MATK: variants seen among roughly 807,000 people sequenced by gnomAD.
MATK encodes megakaryocyte-associated tyrosine kinase, also known as megakaryocyte-associated tyrosine-protein kinase.
MATK carries 41 observed loss-of-function variants against 59.8 expected under a neutral mutation model. The ratio of observed to expected loss-of-function variants is 0.69; its 90% CI spans 0.53 to 0.89. The LOEUF is 0.89. Among genes scored for constraint, MATK ranks in the 40% least tolerant of loss-of-function variants. The pLI is 0.00. For synonymous variants in MATK, 308 were observed against 306.1 expected, an observed-to-expected ratio of 1.01 and a Z score of -0.06; for missense variants, 593 against 719.6, an observed-to-expected ratio of 0.82 and a Z score of 2.01.
rs2037342309 is a variant in MATK, at chr19:3,778,162, C to A, written c.*21G>T. On this transcript the variant is annotated 3_prime_UTR_variant, in exon 14 of 14. Coordinates refer to ENST00000310132, the MANE Select transcript of MATK (RefSeq NM_139355.3). ...CTCCACTCTCTCGGTCCTCTGGGGC[C>A]AAGGGCCCCACCGGGTGGGGTCAGG... 1.3e-6 allele frequency: 2 copies of A among 1,539,798 alleles called. No individual in the cohort carries two copies. Among genetic ancestry groups the A allele is most frequent in the Non-Finnish European group, 8.7e-7 (1 of 1,147,736 alleles).
intron 8 of MATK, among the ~76,000 whole-genome samples, chr19:3,780,747 A>T (rs1395318191): frequency 6.6e-6 from 1 of 151,336 alleles, no homozygotes; most frequent in South Asian, 2.1e-4. Flanking sequence ...TTTTATTTTT[A>T]AAATATTGAT....
At chr19:3,789,307 G>A (rs1413081136), upstream of MATK, 1 of 779,204 alleles carries the variant, frequency 1.3e-6, no homozygotes, top group African/African-American at 1.7e-5. Context: ...CCCTCGCCGA[G>A]GTCTGCCTTC....
In MATK at chr19:3,781,683, A is replaced by G. The variant is rs751465703; in HGVS notation, c.677-11T>C. The G allele has an allele frequency of 6.2e-7, 1 of 1,612,170 alleles. No homozygotes were observed. The highest frequency in any genetic ancestry group is 8.5e-7 in the Non-Finnish European group (1 of 1,179,518). ...TCAGTAACCAGCCCGCTGTGGAGTG[A>G]AGACCCAGTCAGAGGGGTAATGGGC... On this transcript the variant is annotated splice_polypyrimidine_tract_variant and intron_variant, in intron 7 of 13. Coordinates refer to ENST00000310132, the MANE Select transcript of MATK (RefSeq NM_139355.3).
At chr19:3,787,891 T>G, upstream of MATK, among the ~76,000 whole-genome samples, 1 of 151,596 alleles carries the variant, frequency 6.6e-6, no homozygotes, top group East Asian at 1.9e-4. Flanking sequence ...ACAGCTATAT[T>G]AAGGAACATT....
At chr19:3,791,405 C>T (rs373427446), upstream of MATK, among the ~76,000 whole-genome samples, 11 of 151,060 alleles carry the variant, frequency 7.3e-5, no homozygotes, top group East Asian at 9.8e-4. Context: ...TCCAGTGGCA[C>T]GATTTCGGCT....
intron 8 of MATK, among the ~76,000 whole-genome samples, chr19:3,780,319 A>G (rs1475832817): frequency 6.6e-6 from 1 of 152,088 alleles, no homozygotes; most frequent in Admixed American, 6.6e-5. Flanking sequence ...AGAGAGAACC[A>G]TCTAAGCCAG....
chr19:3,778,743 T>A, intron 12 of MATK, 148 bp from the exon 13 acceptor site: 1 of 947,984 alleles, frequency 1.1e-6, no homozygotes, highest in Non-Finnish European at 1.6e-6. Context: ...CAGTTGAGTC[T>A]AGCTCAGCCT....
intron 8 of MATK, 23 bp downstream of exon 8, chr19:3,781,584 C>T (rs1441502446): frequency 6.2e-7 from 1 of 1,613,476 alleles, no homozygotes; most frequent in East Asian, 2.2e-5. Context: ...CCTTCAGCAC[C>T]CCCAACCCAG....
rs1185344389 is a variant in MATK, at chr19:3,780,584, G to A, written c.743-787C>T. Among the ~76,000 whole-genome samples, 6 of 139,390 alleles carry A rather than the reference G, an allele frequency of 4.3e-5. No individual in the cohort carries two copies. The East Asian group carries it at 6.2e-4, about 14-fold the overall frequency. 91.4% of individuals were successfully genotyped at this position (139,390 alleles called of 152,430 possible). ...TGGGACTACAGGCGCCCACCACCAC[G>A]CCCGGCTAATTTTTTTTTTTTTTTT... On this transcript the variant is annotated intron_variant, in intron 8 of 13. Coordinates refer to ENST00000310132, the MANE Select transcript of MATK (RefSeq NM_139355.3).
Position 3,783,128 on chromosome 19 carries a change from C to T in MATK, c.674G>A (p.Arg225Lys), listed in dbSNP as rs1365048988. The change falls in exon 7 of 14, where the codon AGG (arginine) becomes AAG (lysine). Residue 225 changes from arginine to lysine, a missense_variant and splice_region_variant. By Grantham distance (26) the Arg-to-Lys change is conservative. Transcript: ENST00000310132. ...GTKSAEEELA[R>K]AGWLLNLQHL... is the part of the protein sequence containing the mutation. ...CTGCCCTCCTGGGCGTCCCCTACCC[C>T]TGGCCAGCTCCTCCTCGGCCGACTT... 1.9e-6 allele frequency: 3 copies of T among 1,613,924 alleles called. No individual in the cohort carries two copies. The Admixed American group carries it at 5.0e-5, about 27-fold the overall frequency.
At chr19:3,779,675 C>T (rs750778068) in intron 9 of MATK, 23 bp downstream of exon 9, 1 of 1,611,824 alleles carries the variant, frequency 6.2e-7, no homozygotes, top group Admixed American at 1.7e-5. Flanking sequence ...TCCCACGGTC[C>T]CCAGCCCCAC....
chr19:3,783,023 C>G (rs2037422347), intron 7 of MATK, 103 bp downstream of exon 7: 3 of 1,020,162 alleles, frequency 2.9e-6, no homozygotes, highest in African/African-American at 3.1e-5. Context: ...TGGAGACAGG[C>G]TTGGGTGATC....
chr19:3,792,012 G>A (rs916298230), intron 1 of MATK, among the ~76,000 whole-genome samples: 1 of 152,038 alleles, frequency 6.6e-6, no homozygotes, highest in African/African-American at 2.4e-5. Context: ...GGAGGCTGAG[G>A]TAGGAGAATC....
intron 1 of MATK, among the ~76,000 whole-genome samples, 153 bp from the exon 2 acceptor site, chr19:3,785,439 C>A (rs934090719): frequency 6.6e-6 from 1 of 152,000 alleles, no homozygotes; most frequent in African/African-American, 2.4e-5. Flanking sequence ...TGATCCCCCC[C>A]CAAACCCAGG....
intron 1 of MATK, among the ~76,000 whole-genome samples, chr19:3,792,149 G>A (rs2037549002): frequency 6.6e-6 from 1 of 151,348 alleles, no homozygotes; most frequent in Non-Finnish European, 1.5e-5. Flanking sequence ...CTGAGACCCA[G>A]AGAGGCAAGA....
Position 3,779,730 on chromosome 19 carries a change from G to A in MATK, c.810C>T (p.Ala270=), listed in dbSNP as rs145376404. The A allele has an allele frequency of 3.5e-4, 570 of 1,613,060 alleles. No individual in the cohort carries two copies. The highest frequency in any genetic ancestry group is 3.9e-4 in the Non-Finnish European group (466 of 1,179,986). ...AVKNIKCDVT[A]QAFLDETAVM... ...CGGCCGTCTCGTCCAGGAAGGCCTG[G>A]GCTGTCACATCACACTTGATATTCT... The change falls in exon 9 of 14, where the codon GCC becomes GCT. Residue 270 remains alanine, a synonymous_variant. Transcript: ENST00000310132.
At chr19:3,781,749 C>T in intron 7 of MATK, 77 bp from the exon 8 acceptor site, 2 of 1,152,780 alleles carry the variant, frequency 1.7e-6, no homozygotes, top group Non-Finnish European at 2.6e-6. Flanking sequence ...TGGTGAGAGA[C>T]TAGGTGATGT....
chr19:3,796,977 T>A (rs943183214), intron 1 of MATK, among the ~76,000 whole-genome samples: 4 of 152,256 alleles, frequency 2.6e-5, no homozygotes, highest in Admixed American at 6.5e-5. Context: ...TCTCTCTCTC[T>A]TTCTGGAAGC....
intron 8 of MATK, among the ~76,000 whole-genome samples, chr19:3,781,027 C>T (rs1340041125): frequency 6.6e-6 from 1 of 152,196 alleles, no homozygotes; most frequent in African/African-American, 2.4e-5. Context: ...CCGTGCCTGG[C>T]TGGTTTTTGC....
Sources: allele counts gnomAD v4.1 joint callset (sites outside exome capture counted in the v4.1 genomes callset), GRCh38; gene constraint gnomAD v4.1.1; transcripts MANE v1.5; gene names NCBI Gene and HGNC (gene_info 2026-07-23, HGNC 2026-07-21).